Variants in PCDHGA2 observed in about 807,000 individuals in gnomAD.
PCDHGA2 encodes protocadherin gamma-A2.
In PCDHGA2, 40 loss-of-function variants were observed where a neutral mutation model predicts 59.2. That is an observed-to-expected ratio of 0.68 (90% confidence interval 0.52 to 0.88). The LOEUF (loss-of-function observed/expected upper bound fraction) is 0.88. Ranked by LOEUF, PCDHGA2 falls within the 40% of genes least tolerant of loss-of-function variation. The pLI is 0.00. For missense variants in PCDHGA2, 1,226 were observed against 1,204.0 expected, an observed-to-expected ratio of 1.02 and a Z score of -0.27; for synonymous variants, 560 against 526.0, an observed-to-expected ratio of 1.06 and a Z score of -0.89.
intron 1 of PCDHGA2, among the ~76,000 whole-genome samples, chr5:141,438,633 TATACACAC>T (rs1401551511): frequency 0.055 from 1,851 of 33,458 alleles, 10 homozygotes; most frequent in African/African-American, 0.082. Flanking sequence ...TATATATATA[TATACACAC>T]ACACACACAC....
Position 141,341,369 on chromosome 5 carries a change from GAAGA to G in PCDHGA2, c.2403_2406del (p.Arg802LysfsTer49). On this transcript the variant is annotated frameshift_variant, in exon 1 of 4. Coordinates refer to ENST00000394576, the MANE Select transcript of PCDHGA2 (RefSeq NM_018915.4). LOFTEE classifies it high-confidence loss of function. ...ATCAGCGCCTCAATCTCTACTCGAA[GAAGA>G]AAGAGAAGAAACGTTTTCTCAGGTA... 6.2e-7 allele frequency: 1 copy of G among 1,614,236 alleles called. No homozygotes were observed. Among genetic ancestry groups the G allele is most frequent in the Non-Finnish European group, 8.5e-7 (1 of 1,180,046 alleles).
At position 141,486,609 on chromosome 5, in the gene PCDHGA2, C is replaced by T; in HGVS notation, c.2425-8198C>T. The T allele has an allele frequency of 6.2e-7, 1 of 1,613,568 alleles. No homozygotes were observed. ...GGGGACCTGCTTTGCTCCCTTGCAG[C>T]CTCTGACCCAGACTCTGGCTTGAAT... On this transcript the variant is annotated intron_variant, in intron 1 of 3. Transcript: ENST00000394576. The surrounding 1 kb of genome is among the most constrained non-coding windows in gnomAD (Gnocchi z 5.0).
intron 1 of PCDHGA2, chr5:141,422,116 T>G (rs753281558): frequency 1.2e-6 from 2 of 1,604,612 alleles, no homozygotes; most frequent in African/African-American, 1.3e-5. Flanking sequence ...CCAATTGGAT[T>G]CACAAACTGG....
At chr5:141,375,666 T>C (rs1771733109) in intron 1 of PCDHGA2, 1 of 1,614,122 alleles carries the variant, frequency 6.2e-7, no homozygotes, top group African/African-American at 1.3e-5. Context: ...TTGAGAGACC[T>C]ACAGCTGTGG....
intron 1 of PCDHGA2, chr5:141,389,008 G>C (rs1264850198): frequency 6.2e-7 from 1 of 1,613,992 alleles, no homozygotes; most frequent in Admixed American, 1.7e-5. Context: ...AAGGATTCCA[G>C]ACACAATGGA....
At chr5:141,342,197 GAA>G (rs1222597301) in intron 1 of PCDHGA2, 1 of 151,976 alleles carries the variant, frequency 6.6e-6, no homozygotes, top group Non-Finnish European at 1.5e-5. Flanking sequence ...TTTGCTTAAA[GAA>G]AAGATACAAA....
intron 1 of PCDHGA2, chr5:141,374,267 C>A: frequency 6.2e-7 from 1 of 1,614,008 alleles, no homozygotes; most frequent in Non-Finnish European, 8.5e-7. Flanking sequence ...GTTGGCGGAG[C>A]ACGGAGTCCG....
intron 1 of PCDHGA2, chr5:141,415,740 G>GTTTTTTTTTTTTTTTTTTTTTTTTT: frequency 1.8e-5 from 11 of 617,990 alleles, no homozygotes; most frequent in Non-Finnish European, 2.4e-5. Context: ...GTTTATTAAG[G>GTTTTTTTTTTTTTTTTTTTTTTTTT]TTTTTTTTTT....
intron 1 of PCDHGA2, chr5:141,377,067 G>A (rs1202945515): frequency 6.6e-6 from 1 of 152,572 alleles, no homozygotes; most frequent in Non-Finnish European, 1.5e-5. Context: ...CCTTTGCAGA[G>A]AGTCACATAA....
intron 1 of PCDHGA2, among the ~76,000 whole-genome samples, chr5:141,373,339 C>A (rs1769496946): frequency 6.6e-6 from 1 of 152,172 alleles, no homozygotes; most frequent in African/African-American, 2.4e-5. Context: ...TCTAAAATGG[C>A]AACTCTTGTA....
intron 1 of PCDHGA2, chr5:141,413,734 C>A: frequency 6.2e-7 from 1 of 1,613,422 alleles, no homozygotes; most frequent in Non-Finnish European, 8.5e-7. Context: ...CCTAAGAGTT[C>A]AGAGCCGTGC....
chr5:141,496,284 G>A (rs1052943936), intron 2 of PCDHGA2, among the ~76,000 whole-genome samples: 6 of 152,210 alleles, frequency 3.9e-5, no homozygotes, highest in Admixed American at 1.3e-4. Context: ...CAGTTGGTCT[G>A]AGCAGAGTGG....
In PCDHGA2 at chr5:141,366,563, G is replaced by A. The variant is rs369803383; in HGVS notation, c.2424+25168G>A. 2.0e-5 allele frequency: 32 copies of A among 1,614,130 alleles called. No individual in the cohort carries two copies. The African/African-American group carries it at 3.1e-4, about 15-fold the overall frequency. On this transcript the variant is annotated intron_variant, in intron 1 of 3. Coordinates refer to ENST00000394576, the MANE Select transcript of PCDHGA2 (RefSeq NM_018915.4). ...CGCCTCGCACTTTGTGGGCGTGGAT[G>A]GGGTTCGGGCTTTCCTGCAGACCTA...
chr5:141,363,477 T>G (rs1011595673), intron 1 of PCDHGA2, among the ~76,000 whole-genome samples: 9 of 152,238 alleles, frequency 5.9e-5, no homozygotes, highest in Non-Finnish European at 1.0e-4. Context: ...CATGCTTTCC[T>G]GCATGGATGA....
At position 141,423,418 on chromosome 5, in the gene PCDHGA2, G is replaced by T. The variant is rs1236092057; in HGVS notation, c.2425-71389G>T. On this transcript the variant is annotated intron_variant, in intron 1 of 3. Transcript: ENST00000394576. ...GTCACGCCTGCTGCAGGCTTCTGAAGGCGGGTTGGCAGGTATGCCCACGTC... is the reference window on the plus strand; with the variant it reads ...GTCACGCCTGCTGCAGGCTTCTGAATGCGGGTTGGCAGGTATGCCCACGTC... 1.2e-6 allele frequency: 2 copies of T among 1,614,022 alleles called. No individual in the cohort carries two copies. Among genetic ancestry groups the T allele is most frequent in the South Asian group, 1.1e-5 (1 of 91,088 alleles).
chr5:141,371,270 C>G (rs778912997), intron 1 of PCDHGA2: 24 of 1,613,894 alleles, frequency 1.5e-5, no homozygotes, highest in South Asian at 5.5e-5. Flanking sequence ...GACAACTGTT[C>G]AAGCTGGACA....
intron 1 of PCDHGA2, among the ~76,000 whole-genome samples, chr5:141,447,978 C>T (rs759162070): frequency 1.1e-4 from 17 of 151,694 alleles, no homozygotes; most frequent in East Asian, 3.9e-4. Flanking sequence ...CCCAGCTACT[C>T]GGGAGGCTGA....
In PCDHGA2 at chr5:141,341,305, G is replaced by A. The variant is rs773019891; in HGVS notation, c.2334G>A (p.Thr778=). 8.2e-5 allele frequency: 132 copies of A among 1,614,098 alleles called. 1 individual carries two copies. The highest frequency in any genetic ancestry group is 4.0e-4 in the East Asian group (18 of 44,896). Reference sequence around the variant, plus strand: ...TCCCCCAGCCCAACTATGCGGACACGCTCATCAGCCAGGAGAGCTGTGAGA... The same window carrying A: ...TCCCCCAGCCCAACTATGCGGACACACTCATCAGCCAGGAGAGCTGTGAGA... ...LIFPQPNYAD[T]LISQESCEKK... Residue 778 remains threonine (T), a synonymous_variant, in exon 1 of 4, where the codon ACG becomes ACA. Transcript: ENST00000394576.
rs1412265811 is a variant in PCDHGA2, at chr5:141,461,565, A to G, written c.2425-33242A>G. Among the ~76,000 whole-genome samples the G allele has an allele frequency of 2.6e-5, 4 of 152,178 alleles. No individual in the cohort carries two copies. The East Asian group carries it at 7.7e-4, about 29-fold the overall frequency. On this transcript the variant is annotated intron_variant, in intron 1 of 3. Coordinates refer to ENST00000394576, the MANE Select transcript of PCDHGA2 (RefSeq NM_018915.4). ...CCTTTGTCAGATGTGTACTTTGCAA[A>G]GATAATATTTTGGATGTTATATTTC...
Sources: gnomAD v4.1 joint callset for allele counts (sites outside exome capture counted in the v4.1 genomes callset) on GRCh38, gnomAD v4.1.1 for gene constraint, Gnocchi (gnomAD v3.1) non-coding constraint, MANE v1.5 for transcripts, NCBI Gene and HGNC (gene_info 2026-07-23, HGNC 2026-07-21) for gene names.